Variants in LRP1B observed in about 807,000 individuals in gnomAD.
LRP1B encodes the protein LDL receptor related protein 1B.
A neutral mutation model predicts 556.6 loss-of-function variants in LRP1B; 217 were observed. The ratio of observed to expected loss-of-function variants is 0.39; its 90% confidence interval spans 0.35 to 0.44. LRP1B has a LOEUF of 0.44. LRP1B is among the 20% of genes least tolerant of loss of function. LRP1B has a pLI of 1.00. For synonymous variants in LRP1B, 2,047 were observed against 1,865.8 expected (o/e 1.10, Z -2.50); for missense variants, 5,053 against 5,620.8 (o/e 0.90, Z 3.23).
intron 86 of LRP1B, among the ~76,000 whole-genome samples, chr2:140,255,462 T>A (rs1245307890): frequency 6.6e-6 from 1 of 152,192 alleles, no homozygotes. Context: ...TATACTATAT[T>A]TTTTATTTCT....
intron 12 of LRP1B, among the ~76,000 whole-genome samples, chr2:141,017,904 G>GGA (rs1269113457): frequency 6.6e-6 from 1 of 151,752 alleles, no homozygotes; most frequent in East Asian, 1.9e-4. Flanking sequence ...AGCTGAGGTG[G>GGA]GAGAATCGAT....
chr2:140,378,324 A>C (rs769942507), intron 67 of LRP1B, 38 bp from the exon 68 acceptor site: 3 of 1,081,108 alleles, frequency 2.8e-6, no homozygotes, highest in Non-Finnish European at 4.2e-6. Flanking sequence ...ATTCTATTAT[A>C]TGTAAGTGCA....
chr2:141,481,776 G>A lies in LRP1B; in HGVS notation c.206-1243C>T, dbSNP rs575557033. ...GGCCCCAGTATTCATAAGCTGAGTG[G>A]CTTGAGCAAGCTATATATCAAGTCT... On this transcript the variant is annotated intron_variant, in intron 2 of 90. Coordinates refer to ENST00000389484, the MANE Select transcript of LRP1B (RefSeq NM_018557.3). Among the ~76,000 whole-genome samples the A allele has an allele frequency of 2.0e-5, 3 of 152,270 alleles. No individual in the cohort carries two copies. In the East Asian group the frequency reaches 5.8e-4, roughly 29 times the overall value.
rs192317913 is a variant in LRP1B, at chr2:141,150,334, T to C, written c.1013+38087A>G. Reference sequence around the variant, plus strand: ...CCTTAGTATTTGTTGAGAGAATAACTATATTTCAGCAGGAAAAAGAAATCT... The same window carrying C: ...CCTTAGTATTTGTTGAGAGAATAACCATATTTCAGCAGGAAAAAGAAATCT... On this transcript the variant is annotated intron_variant, in intron 7 of 90. Coordinates refer to ENST00000389484, the MANE Select transcript of LRP1B (RefSeq NM_018557.3). Among the ~76,000 whole-genome samples, 343 of 152,346 alleles carry C rather than the reference T, an allele frequency of 2.3e-3. 2 individuals carry two copies. The highest frequency in any genetic ancestry group is 7.5e-3 in the African/African-American group (313 of 41,580).
chr2:141,978,991 G>T (rs1701968228), intron 1 of LRP1B, among the ~76,000 whole-genome samples: 1 of 151,616 alleles, frequency 6.6e-6, no homozygotes, highest in Admixed American at 6.6e-5. Flanking sequence ...AAATTAAACA[G>T]GTAAGTCTGG....
chr2:141,489,942 A>G (rs1683268352), intron 2 of LRP1B, among the ~76,000 whole-genome samples: 1 of 152,186 alleles, frequency 6.6e-6, no homozygotes, highest in Non-Finnish European at 1.5e-5. Context: ...TCTGTAAAAT[A>G]GGTTCCAGTA....
intron 84 of LRP1B, among the ~76,000 whole-genome samples, chr2:140,289,875 A>G (rs1167732530): frequency 6.6e-6 from 1 of 151,998 alleles, no homozygotes; most frequent in Admixed American, 6.6e-5. Flanking sequence ...TTAATCTTTG[A>G]AACTGGAATG....
intron 47 of LRP1B, among the ~76,000 whole-genome samples, chr2:140,526,900 C>T (rs183812848): frequency 1.1e-4 from 17 of 151,678 alleles, no homozygotes; most frequent in Non-Finnish European, 2.1e-4. Flanking sequence ...GGGGGAACCA[C>T]TGAACACTGA....
At chr2:141,865,461 G>A (rs1442336599) in intron 1 of LRP1B, among the ~76,000 whole-genome samples, 2 of 149,660 alleles carry the variant, frequency 1.3e-5, no homozygotes, top group East Asian at 2.0e-4. Flanking sequence ...GCGTAGTGGC[G>A]GGCGCCTGTA....
intron 74 of LRP1B, 112 bp from the exon 75 acceptor site, chr2:140,356,588 TG>T (rs1302096962): frequency 1.6e-5 from 11 of 703,106 alleles, no homozygotes; most frequent in Non-Finnish European, 2.6e-5. Context: ...TAACTCTTTT[TG>T]AATGTACAAG....
intron 15 of LRP1B, among the ~76,000 whole-genome samples, chr2:140,997,650 A>C (rs1445121743): frequency 6.6e-6 from 1 of 151,940 alleles, no homozygotes; most frequent in Non-Finnish European, 1.5e-5. Context: ...AATAAAATAA[A>C]ATGTCTTTCT....
chr2:141,100,983 A>G (rs1020368764), intron 7 of LRP1B, among the ~76,000 whole-genome samples: 2 of 152,074 alleles, frequency 1.3e-5, no homozygotes, highest in Non-Finnish European at 2.9e-5. Flanking sequence ...CCTTACAAAG[A>G]GAATTGGAGG....
intron 20 of LRP1B, among the ~76,000 whole-genome samples, chr2:140,928,185 G>T (rs1478543489): frequency 6.6e-6 from 1 of 152,078 alleles, no homozygotes; most frequent in African/African-American, 2.4e-5. Flanking sequence ...GAGCAGAGAA[G>T]GGAGCATATA....
chr2:141,878,012 G>T (rs981416883), intron 1 of LRP1B, among the ~76,000 whole-genome samples: 1 of 151,660 alleles, frequency 6.6e-6, no homozygotes, highest in Non-Finnish European at 1.5e-5. Flanking sequence ...AATTTGTTTT[G>T]ACATTCCCTA....
At position 142,114,737 on chromosome 2, in the gene LRP1B, A is replaced by G. The variant is rs77476735; in HGVS notation, c.82+15911T>C. On this transcript the variant is annotated intron_variant, in intron 1 of 90. Transcript: ENST00000389484. ...GAAGGTAGAGAGTAGAGCAATAGAT[A>G]CTGAAGCCCGGGAAAGGTGTGCTAG... is the stretch of plus-strand genomic sequence containing the variant. Among the ~76,000 whole-genome samples, 8 of 152,230 alleles carry G rather than the reference A, an allele frequency of 5.3e-5. No individual in the cohort carries two copies. The East Asian group carries it at 1.5e-3, about 29-fold the overall frequency.
At chr2:142,072,566 C>G (rs1028671952) in intron 1 of LRP1B, among the ~76,000 whole-genome samples, 3 of 151,912 alleles carry the variant, frequency 2.0e-5, no homozygotes, top group Admixed American at 6.6e-5. Flanking sequence ...ATTTCATAAA[C>G]TTTCTTACAA....
intron 2 of LRP1B, among the ~76,000 whole-genome samples, chr2:141,733,478 A>C (rs1054177133): frequency 7.9e-5 from 12 of 152,076 alleles, no homozygotes; most frequent in Non-Finnish European, 1.8e-4. Flanking sequence ...ACATCCTTTA[A>C]TCCATCATCC....
At chr2:141,328,761 C>T (rs2105486728) in intron 3 of LRP1B, among the ~76,000 whole-genome samples, 1 of 152,256 alleles carries the variant, frequency 6.6e-6, no homozygotes, top group South Asian at 2.1e-4. Context: ...GTGGCCATTA[C>T]TACATCATGA....
In LRP1B at chr2:140,716,010, C is replaced by A. The variant is rs2105461438; in HGVS notation, c.5986G>T (p.Asp1996Tyr). The A allele has an allele frequency of 6.2e-7, 1 of 1,610,384 alleles. No homozygotes were observed. Among genetic ancestry groups the A allele is most frequent in the Non-Finnish European group, 8.5e-7 (1 of 1,177,618 alleles). Residue 1996 changes from aspartate to tyrosine, a missense_variant, in exon 37 of 91, where the codon GAT becomes TAT. Asp to Tyr is a radical substitution (Grantham distance 160). Coordinates refer to ENST00000389484, the MANE Select transcript of LRP1B (RefSeq NM_018557.3). ...TGCACAGCTATAGATCTTGGTTGAT[C>A]CAGGCCTTGGGAAATAATTACATAA... Reference protein sequence around the residue: ...FRYVIISQGLDQPRSIAVHPE... With the variant: ...FRYVIISQGLYQPRSIAVHPE...
Sources: allele counts gnomAD v4.1 joint callset (sites outside exome capture counted in the v4.1 genomes callset), GRCh38; gene constraint gnomAD v4.1.1; transcripts MANE v1.5; gene names NCBI Gene and HGNC (gene_info 2026-07-23, HGNC 2026-07-21).